The following GPC6 variants were observed in gnomAD, a reference collection of about 807,000 sequenced individuals.
GPC6 encodes glypican-6.
GPC6 carries 14 observed loss-of-function variants against 55.2 expected under a neutral mutation model. The ratio of observed to expected loss-of-function variants is 0.25; its 90% CI spans 0.17 to 0.40. The LOEUF (loss-of-function observed/expected upper bound fraction) is 0.40. Ranked by LOEUF, GPC6 falls within the 10% of genes least tolerant of loss-of-function variation. The pLI, the probability that GPC6 is intolerant of heterozygous loss-of-function variation, is 1.00. For missense variants in GPC6, 641 were observed against 708.5 expected (o/e 0.90, Z 1.08); for synonymous variants, 278 against 259.6 (o/e 1.07, Z -0.68).
chr13:94,148,514 A>G (rs1357571843), intron 4 of GPC6, among the ~76,000 whole-genome samples: 2 of 152,122 alleles, frequency 1.3e-5, no homozygotes, highest in Non-Finnish European at 2.9e-5. Flanking sequence ...AATATAAGAT[A>G]TTATTTTGCA....
intron 7 of GPC6, among the ~76,000 whole-genome samples, chr13:94,387,570 G>T (rs972428894): frequency 6.6e-6 from 1 of 152,188 alleles, no homozygotes; most frequent in Non-Finnish European, 1.5e-5. Context: ...GATTCAGTAA[G>T]TGCTATGGAT....
intron 1 of GPC6, among the ~76,000 whole-genome samples, chr13:93,401,689 C>CTTTTT (rs4001853): frequency 1.6e-5 from 1 of 64,506 alleles, no homozygotes; most frequent in African/African-American, 5.3e-5. Context: ...CATGAATGGA[C>CTTTTT]TTTTTTTTTT....
At chr13:93,954,226 G>A (rs1035354918) in intron 3 of GPC6, among the ~76,000 whole-genome samples, 1 of 152,174 alleles carries the variant, frequency 6.6e-6, no homozygotes, top group Non-Finnish European at 1.5e-5. Flanking sequence ...AACTTGCTAT[G>A]TATGGTTATA....
intron 3 of GPC6, among the ~76,000 whole-genome samples, chr13:93,932,973 C>CTTTTTTTTTTTTTTTTTTTTTTTT (rs59362571): frequency 9.8e-6 from 1 of 102,382 alleles, no homozygotes; most frequent in African/African-American, 3.6e-5. Context: ...TTGTTTTGTT[C>CTTTTTTTTTTTTTTTTTTTTTTTT]TTTTTTTTTT....
intron 2 of GPC6, among the ~76,000 whole-genome samples, chr13:93,622,332 C>T (rs1270672890): frequency 6.6e-6 from 1 of 152,174 alleles, no homozygotes; most frequent in Non-Finnish European, 1.5e-5. Flanking sequence ...GATAAGGGAA[C>T]TCAAGCTTTA....
intron 1 of GPC6, among the ~76,000 whole-genome samples, chr13:93,346,699 A>T (rs1880441632): frequency 6.6e-6 from 1 of 152,176 alleles, no homozygotes; most frequent in Admixed American, 6.6e-5. Flanking sequence ...AAGTGAGAAA[A>T]AAGGACAAAA....
rs143896688 is a variant in GPC6 at position 93,389,447 on chromosome 13, T to A, written c.161-155816T>A. Among the ~76,000 whole-genome samples, 528 of 150,134 alleles carry A rather than the reference T, an allele frequency of 3.5e-3. 4 individuals are homozygous for A. The highest frequency in any genetic ancestry group is 0.012 in the African/African-American group (505 of 40,700). On this transcript the variant is annotated intron_variant, in intron 1 of 8. Transcript: ENST00000377047. The stretch of plus-strand genomic sequence containing the variant: ...TGAACCCAAGAGGTGGAGCTTGTAG[T>A]GAGCCGAGATCGCACCACTGCACTC...
intron 6 of GPC6, among the ~76,000 whole-genome samples, chr13:94,372,200 G>C (rs36091803): frequency 6.6e-6 from 1 of 152,068 alleles, no homozygotes; most frequent in Non-Finnish European, 1.5e-5. Flanking sequence ...CTCATCACTG[G>C]GGGGAGGAGC....
intron 4 of GPC6, among the ~76,000 whole-genome samples, chr13:94,266,160 T>TTG (rs548781072): frequency 0.22 from 31,929 of 148,096 alleles, 3,671 homozygotes; most frequent in South Asian, 0.29. Context: ...TCTTTTTTTT[T>TTG]TTTGTTTGTT....
chr13:94,149,408 T>C (rs1224252469), intron 4 of GPC6, among the ~76,000 whole-genome samples: 1 of 152,108 alleles, frequency 6.6e-6, no homozygotes, highest in Non-Finnish European at 1.5e-5. Context: ...AGAACTTGGG[T>C]CCAAAGCATT....
intron 2 of GPC6, among the ~76,000 whole-genome samples, chr13:93,694,265 G>A (rs765448882): frequency 1.3e-5 from 2 of 152,152 alleles, no homozygotes; most frequent in Non-Finnish European, 2.9e-5. Context: ...GAAATGCAAC[G>A]TGAAGTGGTG....
intron 6 of GPC6, among the ~76,000 whole-genome samples, chr13:94,373,923 C>G (rs1285892418): frequency 9.9e-5 from 15 of 152,028 alleles, no homozygotes; most frequent in East Asian, 7.8e-4. Flanking sequence ...CATTCTTAAA[C>G]AAAAGAATTT....
intron 2 of GPC6, among the ~76,000 whole-genome samples, chr13:93,793,019 C>T (rs3759422): frequency 0.34 from 51,077 of 152,040 alleles, 9,130 homozygotes; most frequent in African/African-American, 0.45. Flanking sequence ...TTTGGCAAGA[C>T]TGTTGCAAGA....
intron 1 of GPC6, among the ~76,000 whole-genome samples, chr13:93,405,097 T>C (rs759180636): frequency 2.6e-5 from 4 of 152,172 alleles, no homozygotes; most frequent in Non-Finnish European, 5.9e-5. Flanking sequence ...CTAGGGAAAC[T>C]GGTTTATAAA....
intron 2 of GPC6, among the ~76,000 whole-genome samples, chr13:93,792,175 T>A (rs1401427961): frequency 6.6e-6 from 1 of 152,272 alleles, no homozygotes; most frequent in African/African-American, 2.4e-5. Flanking sequence ...CCACCTTGCC[T>A]TCATGCAGGT....
chr13:94,065,866 G>T (rs188206643), intron 4 of GPC6, among the ~76,000 whole-genome samples: 109 of 152,318 alleles, frequency 7.2e-4, no homozygotes, highest in Non-Finnish European at 1.3e-3. Flanking sequence ...TTAGGAATGA[G>T]AATGAGCTAG....
At chr13:93,676,172 TACACAC>T (rs771597800) in intron 2 of GPC6, among the ~76,000 whole-genome samples, 3 of 72,368 alleles carry the variant, frequency 4.1e-5, no homozygotes, top group Admixed American at 1.7e-4. Flanking sequence ...TATATATACA[TACACAC>T]ACACACACAC....
At chr13:93,458,151 G>A (rs1360337863) in intron 1 of GPC6, among the ~76,000 whole-genome samples, 1 of 152,112 alleles carries the variant, frequency 6.6e-6, no homozygotes, top group East Asian at 1.9e-4. Flanking sequence ...TATTTGTTTT[G>A]TAGAAAGGAG....
At chr13:93,714,508 T>C (rs1167239939) in intron 2 of GPC6, among the ~76,000 whole-genome samples, 1 of 151,892 alleles carries the variant, frequency 6.6e-6, no homozygotes, top group African/African-American at 2.4e-5. Flanking sequence ...GTTTGGCCAC[T>C]GTGGAAAGCA....
Sources: allele counts gnomAD v4.1 joint callset (sites outside exome capture counted in the v4.1 genomes callset), GRCh38; gene constraint gnomAD v4.1.1; transcripts MANE v1.5; gene names NCBI Gene and HGNC (gene_info 2026-07-23, HGNC 2026-07-21).